GLS: variants seen among roughly 807,000 people sequenced by gnomAD.
The protein encoded by GLS is glutaminase, also known as glutaminase kidney isoform, mitochondrial.
Under a neutral mutation model 86.7 loss-of-function variants are expected in GLS, and 36 were observed. That is an observed-to-expected ratio of 0.42 (90% CI 0.32 to 0.55). The LOEUF (loss-of-function observed/expected upper bound fraction) is 0.55. Ranked by LOEUF, GLS falls within the 20% of genes least tolerant of loss-of-function variation. The pLI, the probability that GLS is intolerant of heterozygous loss-of-function variation, is 0.17. For synonymous variants in GLS, 317 were observed against 305.9 expected, an observed-to-expected ratio of 1.04 and a Z score of -0.38; for missense variants, 528 against 833.4, an observed-to-expected ratio of 0.63 and a Z score of 4.51.
At chr2:190,923,070 A>G (rs1438076837) in intron 9 of GLS, among the ~76,000 whole-genome samples, 1 of 152,124 alleles carries the variant, frequency 6.6e-6, no homozygotes, top group Non-Finnish European at 1.5e-5. Context: ...CTCTCCTTCC[A>G]TTCCTATCAC....
rs1245160869 is a variant in GLS, at chr2:190,954,069, T to A, written c.1712+443T>A. On this transcript the variant is annotated intron_variant, in intron 15 of 17. Transcript: ENST00000320717. This position sits in a 1 kb window ranked among gnomAD's most constrained non-coding sequence, Gnocchi z 4.0. ...GCCATATACTGCTGTATACCTAAGG[T>A]CTTTTGTGTAGAGTTGTAACTTATT... Among the ~76,000 whole-genome samples the A allele has an allele frequency of 1.3e-5, 2 of 151,216 alleles. No individual in the cohort carries two copies. The highest frequency in any genetic ancestry group is 4.9e-5 in the African/African-American group (2 of 41,082).
rs778386586 is a variant in GLS at position 190,921,220 on chromosome 2, C to T, written c.1130+17C>T. ...TAATGCAACGTGAGTGTTTTAAATA[C>T]TGTTTTGTTACGTAAAAACACACAA... On this transcript the variant is annotated intron_variant, in intron 9 of 17. Transcript: ENST00000320717. This position sits in a 1 kb window ranked among gnomAD's most constrained non-coding sequence, Gnocchi z 4.2. The T allele has an allele frequency of 5.3e-6, 8 of 1,523,392 alleles. No individual in the cohort carries two copies. The South Asian group carries it at 6.7e-5, about 13-fold the overall frequency. The allele number at this position is 1,523,392 out of a possible 1,614,324, so 94.4% of individuals were successfully genotyped here. A position where few individuals can be genotyped will look rare whatever the true frequency, so the allele number is the denominator to read the frequency against.
Position 190,964,441 on chromosome 2 carries a change from T to C in GLS, c.*1455T>C, listed in dbSNP as rs1041241659. 2 of 152,204 alleles carry C rather than the reference T, an allele frequency of 1.3e-5. No homozygotes were observed. Among genetic ancestry groups the C allele is most frequent in the Non-Finnish European group, 2.9e-5 (2 of 68,040 alleles). The allele number at this position is 152,204 out of a possible 1,614,324, so 9.4% of individuals were successfully genotyped here. On this transcript the variant is annotated 3_prime_UTR_variant, in exon 18 of 18. Coordinates refer to ENST00000320717, the MANE Select transcript of GLS (RefSeq NM_014905.5). This position sits in a 1 kb window ranked among gnomAD's most constrained non-coding sequence, Gnocchi z 5.2. ...TACAGCAAATTCCTTTTTTTTTCTT[T>C]TTCTATGAGCACACTCTGCTGCTTC...
rs1234562915 is a variant in GLS at position 190,880,912 on chromosome 2, GCAGCAGCAC to G, written c.-171_-163del. ...AGCAGCAGCAGCAGCAGCAGCAGCAGCAGCAGCACCCGCATCCGCTGCGGGAGTCCGAGC... is the reference window on the plus strand; with the variant it reads ...AGCAGCAGCAGCAGCAGCAGCAGCAGCCGCATCCGCTGCGGGAGTCCGAGC... On this transcript the variant is annotated 5_prime_UTR_variant, in exon 1 of 18. Transcript: ENST00000320717. 75 of 946,478 alleles carry G rather than the reference GCAGCAGCAC, an allele frequency of 7.9e-5. 2 individuals are homozygous for G. Among genetic ancestry groups the G allele is most frequent in the African/African-American group, 5.9e-4 (34 of 57,682 alleles). 58.6% of individuals were successfully genotyped at this position (946,478 alleles called of 1,614,324 possible).
intron 4 of GLS, 72 bp from the exon 5 acceptor site, chr2:190,901,875 A>G: frequency 4.2e-6 from 4 of 945,262 alleles, no homozygotes; most frequent in South Asian, 1.3e-5. Flanking sequence ...GAGATAAGAA[A>G]TTTGTTGGTG....
chr2:190,896,515 A>T (rs1442148824), intron 3 of GLS: 2 of 152,226 alleles, frequency 1.3e-5, no homozygotes, highest in Non-Finnish European at 2.9e-5. Context: ...AAATTTCTGC[A>T]TCTACTTTGA....
intron 9 of GLS, among the ~76,000 whole-genome samples, chr2:190,923,053 A>T (rs4853531): frequency 0.14 from 20,678 of 152,048 alleles, 1,884 homozygotes; most frequent in Admixed American, 0.3. Context: ...TGCATATTTG[A>T]TCATACCTCT....
At chr2:190,902,094 A>T in intron 5 of GLS, 68 bp downstream of exon 5, 2 of 839,500 alleles carry the variant, frequency 2.4e-6, no homozygotes, top group Non-Finnish European at 4.1e-6. Flanking sequence ...TGAGAATGAC[A>T]TGGAGAAGAT....
rs1001872727 is a variant in GLS, at chr2:190,887,089, GC to G, written c.386+5621del. On this transcript the variant is annotated intron_variant, in intron 1 of 17. Coordinates refer to ENST00000320717, the MANE Select transcript of GLS (RefSeq NM_014905.5). ...TAAATTAAGGTTATATTTTATAGTT[GC>G]CTGTCTGTGCCTTTTCACCTTTAAG... Among the ~76,000 whole-genome samples the G allele has an allele frequency of 2.2e-4, 33 of 152,118 alleles. 1 individual carries two copies. The highest frequency in any genetic ancestry group is 5.9e-4 in the Admixed American group (9 of 15,270).
chr2:190,892,359 A>G (rs751867061), intron 1 of GLS, among the ~76,000 whole-genome samples: 1 of 152,164 alleles, frequency 6.6e-6, no homozygotes, highest in Non-Finnish European at 1.5e-5. Context: ...TCCTATTTGA[A>G]TTGCTGAATA....
rs397946071 is a variant in GLS at position 190,940,740 on chromosome 2, C to CT, written c.1650+9117dup. 8.0e-3 allele frequency among the ~76,000 whole-genome samples: 1,120 copies of CT among 140,704 alleles called. 9 individuals carry two copies. Among genetic ancestry groups the CT allele is most frequent in the African/African-American group, 0.022 (846 of 38,560 alleles). 92.3% of individuals were successfully genotyped at this position (140,704 alleles called of 152,430 possible). Reference sequence around the variant, plus strand: ...ATCCCTGTTTTACTTAGTTAGCAAACTTTTTTTTTTTTTTAATGCCTTCTA... The same window carrying CT: ...ATCCCTGTTTTACTTAGTTAGCAAACTTTTTTTTTTTTTTTAATGCCTTCTA... On this transcript the variant is annotated intron_variant, in intron 14 of 17. Coordinates refer to ENST00000320717, the MANE Select transcript of GLS (RefSeq NM_014905.5).
chr2:190,957,820 T>G (rs1174047902), intron 17 of GLS, among the ~76,000 whole-genome samples: 2 of 152,218 alleles, frequency 1.3e-5, no homozygotes, highest in Non-Finnish European at 2.9e-5. Context: ...AGTAGTTTAT[T>G]GAGGATTTTC....
In GLS at chr2:190,900,662, A is replaced by G. The variant is rs112403775; in HGVS notation, c.704A>G (p.Tyr235Cys). 3 of 1,606,876 alleles carry G rather than the reference A, an allele frequency of 1.9e-6. No homozygotes were observed. The highest frequency in any genetic ancestry group is 2.6e-6 in the Non-Finnish European group (3 of 1,174,148). ...TTTACCTCACACATTGATGAGTTAT[A>G]TGAAAGTGCTAAAAAGCAGTCTGGA... ...MSFTSHIDELYESAKKQSGGK... is the reference protein window; with the variant it reads ...MSFTSHIDELCESAKKQSGGK... The change falls in exon 4 of 18, where the codon TAT becomes TGT. Residue 235 changes from tyrosine to cysteine, a missense_variant. This residue lies in a region of GLS where 111 missense variants were observed against 179.5 expected (regional missense o/e 0.62). Transcript: ENST00000320717.
intron 11 of GLS, 44 bp from the exon 12 acceptor site, chr2:190,927,262 A>T (rs1415154981): frequency 2.2e-6 from 3 of 1,369,874 alleles, no homozygotes; most frequent in Non-Finnish European, 3.0e-6. Flanking sequence ...AGTGAACAGT[A>T]ATATTAAAAG....
intron 1 of GLS, among the ~76,000 whole-genome samples, chr2:190,885,961 C>T (rs1574556282): frequency 6.6e-6 from 1 of 151,914 alleles, no homozygotes; most frequent in Admixed American, 6.6e-5. Flanking sequence ...CAACCTCTGC[C>T]TCCTGGGTTC....
Position 190,956,554 on chromosome 2 carries a change from CT to C in GLS, c.1853+1741del, listed in dbSNP as rs1241210540. 7.2e-5 allele frequency among the ~76,000 whole-genome samples: 11 copies of C among 152,098 alleles called. No homozygotes were observed. Among genetic ancestry groups the C allele is most frequent in the Non-Finnish European group, 1.5e-5 (1 of 68,028 alleles). ...GTAGCGTGATGCCTCCAGCTTTCTT[CT>C]TTTTGCTTAGGATCGTCTTGGCTAT... On this transcript the variant is annotated intron_variant, in intron 17 of 17. Transcript: ENST00000320717. The surrounding 1 kb of genome is among the most constrained non-coding windows in gnomAD (Gnocchi z 4.2).
chr2:190,958,688 T>C (rs1690922065), intron 17 of GLS, among the ~76,000 whole-genome samples: 1 of 152,238 alleles, frequency 6.6e-6, no homozygotes, highest in African/African-American at 2.4e-5. Flanking sequence ...CCAGTAGTCA[T>C]TCAGGAGCAG....
chr2:190,889,169 C>T (rs183743741), intron 1 of GLS, among the ~76,000 whole-genome samples: 13 of 152,186 alleles, frequency 8.5e-5, no homozygotes, highest in East Asian at 5.8e-4. Context: ...ATAAGCTGCC[C>T]GCAGATATTA....
At chr2:190,926,335 G>A (rs1558984089) in intron 11 of GLS, among the ~76,000 whole-genome samples, 2 of 152,194 alleles carry the variant, frequency 1.3e-5, no homozygotes, top group African/African-American at 2.4e-5. Flanking sequence ...TGAGAAATAG[G>A]GAAGAGATTT....
Sources: allele counts gnomAD v4.1 joint callset (sites outside exome capture counted in the v4.1 genomes callset), GRCh38; gene constraint gnomAD v4.1.1; regional missense constraint gnomAD v4.1.1; non-coding constraint Gnocchi (gnomAD v3.1); transcripts MANE v1.5; gene names NCBI Gene and HGNC (gene_info 2026-07-23, HGNC 2026-07-21).